Variants in ABCC4 observed in about 807,000 individuals in gnomAD.
ABCC4 encodes ATP-binding cassette sub-family C member 4.
ABCC4 carries 102 observed loss-of-function variants against 168.5 expected under a neutral mutation model. The observed-to-expected ratio is 0.61, with a 90% CI of 0.52 to 0.71. The LOEUF (loss-of-function observed/expected upper bound fraction) is 0.71. Ranked by LOEUF, ABCC4 falls within the 30% of genes least tolerant of loss-of-function variation. ABCC4 has a pLI of 0.00. For missense variants in ABCC4, 1,402 were observed against 1,605.8 expected (o/e 0.87, Z 2.17); for synonymous variants, 617 against 590.7 (o/e 1.04, Z -0.65).
rs1161590849 is a variant in ABCC4 at position 95,293,613 on chromosome 13, CATG to C, written c.74+7625_74+7627del. Among the ~76,000 whole-genome samples, 13 of 151,222 alleles carry C rather than the reference CATG, an allele frequency of 8.6e-5. No homozygotes were observed. The East Asian group carries it at 1.6e-3, about 19-fold the overall frequency. The stretch of plus-strand genomic sequence containing the variant: ...TCTCGAGTAGCTGGGACTACAGGTG[CATG>C]CCACCACGCCCAGCTAATTTTTGTA... On this transcript the variant is annotated intron_variant, in intron 1 of 30. Transcript: ENST00000645237.
intron 19 of ABCC4, among the ~76,000 whole-genome samples, chr13:95,116,464 T>TC (rs1002279227): frequency 2.6e-5 from 4 of 152,150 alleles, no homozygotes; most frequent in Non-Finnish European, 5.9e-5. Flanking sequence ...TATTTTTTTT[T>TC]CCCCAGCCTG....
At chr13:95,129,619 T>A (rs1399114629) in intron 19 of ABCC4, among the ~76,000 whole-genome samples, 2 of 152,196 alleles carry the variant, frequency 1.3e-5, no homozygotes, top group African/African-American at 4.8e-5. Context: ...GTATTTCTCT[T>A]ATTTAAGAAA....
intron 28 of ABCC4, 123 bp from the exon 29 acceptor site, chr13:95,043,910 A>T (rs1481455933): frequency 4.6e-6 from 3 of 648,452 alleles, no homozygotes; most frequent in Non-Finnish European, 7.6e-6. Flanking sequence ...ATGTTTTAAA[A>T]ATCATGTTAA....
At chr13:95,041,309 A>C (rs916674581) in intron 29 of ABCC4, among the ~76,000 whole-genome samples, 1 of 152,234 alleles carries the variant, frequency 6.6e-6, no homozygotes, top group Non-Finnish European at 1.5e-5. Context: ...AACTGGGTAA[A>C]TCCCTTTGGA....
At chr13:95,271,767 T>C (rs1359586027) in intron 1 of ABCC4, among the ~76,000 whole-genome samples, 2 of 152,084 alleles carry the variant, frequency 1.3e-5, no homozygotes, top group Non-Finnish European at 2.9e-5. Context: ...CAGCGTGACA[T>C]AGCTCTGCAC....
At chr13:95,148,030 T>C (rs1215006476) in intron 19 of ABCC4, among the ~76,000 whole-genome samples, 1 of 152,162 alleles carries the variant, frequency 6.6e-6, no homozygotes, top group Non-Finnish European at 1.5e-5. Context: ...CATTTATCTA[T>C]TTTTCTTTGC....
rs576255907 is a variant in ABCC4, at chr13:95,085,384, G to A, written c.2536-2094C>T. ...GAACCTGGGAGCTGGAGGTTGCAGTGATCCGAGATGGTGCCACTGCACTCC... is the reference window on the plus strand; with the variant it reads ...GAACCTGGGAGCTGGAGGTTGCAGTAATCCGAGATGGTGCCACTGCACTCC... On this transcript the variant is annotated intron_variant, in intron 20 of 30. Coordinates refer to ENST00000645237, the MANE Select transcript of ABCC4 (RefSeq NM_005845.5). 3.0e-4 allele frequency among the ~76,000 whole-genome samples: 45 copies of A among 152,254 alleles called. No homozygotes were observed. In the South Asian group the frequency reaches 5.0e-3, roughly 17 times the overall value.
chr13:95,155,810 T>C (rs1469257710), intron 19 of ABCC4, among the ~76,000 whole-genome samples: 1 of 152,238 alleles, frequency 6.6e-6, no homozygotes, highest in Admixed American at 6.5e-5. Flanking sequence ...AACATTTATC[T>C]GGCACCCATT....
chr13:95,252,735 A>C (rs1465637091), intron 1 of ABCC4, among the ~76,000 whole-genome samples: 1 of 152,238 alleles, frequency 6.6e-6, no homozygotes, highest in African/African-American at 2.4e-5. Flanking sequence ...AGTAGGGTTC[A>C]GCACTATCCA....
intron 24 of ABCC4, among the ~76,000 whole-genome samples, chr13:95,072,529 T>C (rs1000321137): frequency 6.6e-6 from 1 of 152,216 alleles, no homozygotes; most frequent in Non-Finnish European, 1.5e-5. Flanking sequence ...TCAGTTAAAC[T>C]GGATGATCGT....
At chr13:95,132,016 C>T (rs2035984217) in intron 19 of ABCC4, among the ~76,000 whole-genome samples, 1 of 152,134 alleles carries the variant, frequency 6.6e-6, no homozygotes, top group African/African-American at 2.4e-5. Flanking sequence ...TTCACAGCAG[C>T]ACTATGCACA....
chr13:95,234,142 T>G lies in ABCC4; in HGVS notation c.531+468A>C, dbSNP rs569159030. Reference sequence around the variant, plus strand: ...CCTAGATTTAATTTCATAGATCCAATTTCACTGAAGTTCACTTCTGAATAC... The same window carrying G: ...CCTAGATTTAATTTCATAGATCCAAGTTCACTGAAGTTCACTTCTGAATAC... On this transcript the variant is annotated intron_variant, in intron 4 of 30. Transcript: ENST00000645237. Among the ~76,000 whole-genome samples, 12 of 152,358 alleles carry G rather than the reference T, an allele frequency of 7.9e-5. No individual in the cohort carries two copies. The South Asian group carries it at 1.4e-3, about 18-fold the overall frequency.
At chr13:95,197,729 T>C (rs1280115059) in intron 8 of ABCC4, among the ~76,000 whole-genome samples, 1 of 152,136 alleles carries the variant, frequency 6.6e-6, no homozygotes, top group Non-Finnish European at 1.5e-5. Context: ...TTGTGAACAA[T>C]AAAACCTCAG....
intron 20 of ABCC4, among the ~76,000 whole-genome samples, chr13:95,108,919 T>A (rs979653123): frequency 1.3e-5 from 2 of 152,162 alleles, no homozygotes; most frequent in Non-Finnish European, 2.9e-5. Context: ...TGTTTCCTTA[T>A]TTTTCAAACT....
chr13:95,029,745 C>T (rs1281363330), intron 30 of ABCC4, among the ~76,000 whole-genome samples: 3 of 152,132 alleles, frequency 2.0e-5, no homozygotes, highest in South Asian at 2.1e-4. Flanking sequence ...AGCTAGAATT[C>T]GCTTATATTT....
intron 13 of ABCC4, among the ~76,000 whole-genome samples, chr13:95,175,471 C>T (rs568880213): frequency 3.9e-5 from 6 of 152,278 alleles, no homozygotes; most frequent in African/African-American, 1.4e-4. Context: ...CGCCACCATC[C>T]ACCACTGATT....
chr13:95,183,682 G>T (rs2037970190), intron 11 of ABCC4, among the ~76,000 whole-genome samples: 1 of 152,160 alleles, frequency 6.6e-6, no homozygotes, highest in African/African-American at 2.4e-5. Flanking sequence ...GGAAGCAAAA[G>T]CAGGTGGATC....
In ABCC4 at chr13:95,194,914, T is replaced by C; in HGVS notation, c.1185A>G (p.Ile395Met). 6.2e-7 allele frequency: 1 copy of C among 1,614,164 alleles called. No homozygotes were observed. ...ACGGCAGCTGACGGTTGCGCTGTGA[T>C]ATCTCATCAAGTAGCAAAAAGGTCT... ...RIQTFLLLDE[I>M]SQRNRQLPSD... Residue 395 changes from isoleucine (I) to methionine (M), a missense_variant, in exon 9 of 31, where the codon ATA (isoleucine) becomes ATG (methionine). Around this residue, in one of 3 missense-constraint regions of ABCC4, gnomAD observed 1,007 missense variants for 1,127.3 expected, o/e 0.89. Coordinates refer to ENST00000645237, the MANE Select transcript of ABCC4 (RefSeq NM_005845.5).
chr13:95,089,868 T>G (rs1418609043), intron 20 of ABCC4, among the ~76,000 whole-genome samples: 1 of 150,518 alleles, frequency 6.6e-6, no homozygotes, highest in Non-Finnish European at 1.5e-5. Flanking sequence ...ACAGTGAGAC[T>G]CTGTCAAAAA....
Sources: gnomAD v4.1 joint callset for allele counts (sites outside exome capture counted in the v4.1 genomes callset) on GRCh38, gnomAD v4.1.1 for gene constraint, gnomAD v4.1.1 regional missense constraint, MANE v1.5 for transcripts, NCBI Gene and HGNC (gene_info 2026-07-23, HGNC 2026-07-21) for gene names.